The following PCAT7 variants were observed in gnomAD, a reference collection of about 807,000 sequenced individuals.
PCAT7 encodes prostate cancer associated transcript 7, also known as prostate cancer associated transcript 7 (non-protein coding).
intron 2 of PCAT7, chr9:94,571,559 C>G: frequency 6.2e-7 from 1 of 1,613,946 alleles, no homozygotes; most frequent in Admixed American, 1.7e-5. Flanking sequence ...AATATTGCGG[C>G]CACACTGCAG....
At chr9:94,563,309 C>A in intron 2 of PCAT7, 2 of 1,609,252 alleles carry the variant, frequency 1.2e-6, no homozygotes, top group South Asian at 2.2e-5. Flanking sequence ...CCTCCCTGAC[C>A]GGATGCACAG....
intron 2 of PCAT7, among the ~76,000 whole-genome samples, chr9:94,572,745 T>C (rs539989109): frequency 3.3e-5 from 5 of 152,318 alleles, no homozygotes; most frequent in Middle Eastern, 3.4e-3. Flanking sequence ...CACACATATA[T>C]ACATGCATAC....
chr9:94,556,198 A>G (rs1388886877), intron 1 of PCAT7, among the ~76,000 whole-genome samples: 1 of 151,218 alleles, frequency 6.6e-6, no homozygotes, highest in African/African-American at 2.4e-5. Context: ...AGGCTTTGGG[A>G]AAAGACGGGG....
At chr9:94,567,493 G>T (rs1270801003) in intron 2 of PCAT7, 3 of 1,508,778 alleles carry the variant, frequency 2.0e-6, no homozygotes, top group Non-Finnish European at 2.7e-6. Flanking sequence ...AGCAGGAGAA[G>T]ATGGGGGCCT....
intron 2 of PCAT7, among the ~76,000 whole-genome samples, chr9:94,565,131 T>G (rs1453238634): frequency 1.3e-5 from 2 of 152,152 alleles, no homozygotes; most frequent in Non-Finnish European, 2.9e-5. Context: ...CCCAGCATTT[T>G]GGGAGGCCAA....
At chr9:94,555,845 G>C (rs570807373) in intron 1 of PCAT7, among the ~76,000 whole-genome samples, 1 of 151,830 alleles carries the variant, frequency 6.6e-6, no homozygotes, top group South Asian at 2.1e-4. Flanking sequence ...AGGGTGGCGA[G>C]AGGGAGCAGG....
intron 2 of PCAT7, chr9:94,569,440 A>G (rs747358735): frequency 1.3e-5 from 2 of 152,198 alleles, no homozygotes; most frequent in Admixed American, 1.3e-4. Flanking sequence ...GAGATGCACA[A>G]CTGTCATCTG....
In PCAT7 at chr9:94,566,362, T is replaced by G. The variant is rs1827189929; in HGVS notation, n.442-6617T>G. 2.6e-5 allele frequency among the ~76,000 whole-genome samples: 4 copies of G among 152,258 alleles called. No homozygotes were observed. The South Asian group carries it at 8.3e-4, about 31-fold the overall frequency. On this transcript the variant is annotated intron_variant and non_coding_transcript_variant, in intron 2 of 8. Transcript: ENST00000647389. ...TGGCCCGCCCAGGGTGGAAAACCGC[T>G]TAAAGGCATTCTTAAGCCACAAACA...
At chr9:94,559,046 C>T (rs778492263) in exon 2 of PCAT7, 6 of 1,614,128 alleles carry the variant, frequency 3.7e-6, no homozygotes, top group Non-Finnish European at 5.1e-6. Flanking sequence ...GCTTCACGTC[C>T]AGTACAGGCT....
chr9:94,569,196 G>A (rs1223351251), intron 2 of PCAT7: 1 of 152,246 alleles, frequency 6.6e-6, no homozygotes, highest in Non-Finnish European at 1.5e-5. Flanking sequence ...ACCTTAGCTT[G>A]AAAATGAGAT....
At position 94,563,575 on chromosome 9, in the gene PCAT7, C is replaced by G. The variant is rs190147315; in HGVS notation, n.441+4423C>G. On this transcript the variant is annotated intron_variant and non_coding_transcript_variant, in intron 2 of 8. Transcript: ENST00000647389. ...CTCTGCCTTCTTGAATCCCTATCCT[C>G]CACCCACTAGTGTAGGAATTGAAAA... The G allele has an allele frequency of 1.3e-5, 14 of 1,117,266 alleles. No homozygotes were observed. In the South Asian group the frequency reaches 1.8e-4, roughly 14 times the overall value. 69.2% of individuals were successfully genotyped at this position (1,117,266 alleles called of 1,614,324 possible). A position where few individuals can be genotyped will look rare whatever the true frequency, so the allele number is the denominator to read the frequency against.
chr9:94,572,721 C>CAT (rs983466182), intron 2 of PCAT7, among the ~76,000 whole-genome samples: 19 of 152,276 alleles, frequency 1.2e-4, no homozygotes, highest in African/African-American at 4.6e-4. Flanking sequence ...ACAACACACA[C>CAT]ATGAGTTTAC....
At chr9:94,560,222 G>T (rs1460394092) in intron 2 of PCAT7, among the ~76,000 whole-genome samples, 1 of 152,196 alleles carries the variant, frequency 6.6e-6, no homozygotes, top group African/African-American at 2.4e-5. Flanking sequence ...TGCCCTGCTT[G>T]CCAGTCTCTG....
chr9:94,563,505 G>T (rs1369426705), intron 2 of PCAT7: 1 of 1,595,054 alleles, frequency 6.3e-7, no homozygotes, highest in Non-Finnish European at 8.6e-7. Flanking sequence ...TGGCTTTCAG[G>T]ATTAGCCAGC....
At chr9:94,562,453 G>C (rs2131441538) in intron 2 of PCAT7, among the ~76,000 whole-genome samples, 1 of 152,148 alleles carries the variant, frequency 6.6e-6, no homozygotes, top group South Asian at 2.1e-4. Context: ...AATACACCTG[G>C]GCTAAGCACT....
chr9:94,560,182 G>A (rs73653484), intron 2 of PCAT7, among the ~76,000 whole-genome samples: 14,000 of 152,162 alleles, frequency 0.092, 1,274 homozygotes, highest in African/African-American at 0.23. Context: ...GGTCCCAGCC[G>A]AGGGCAGAAA....
chr9:94,572,692 A>G (rs1827281889), intron 2 of PCAT7, among the ~76,000 whole-genome samples: 1 of 152,060 alleles, frequency 6.6e-6, no homozygotes, highest in Admixed American at 6.6e-5. Context: ...CAGATATTGC[A>G]TTTAATTCAC....
intron 2 of PCAT7, among the ~76,000 whole-genome samples, chr9:94,572,610 G>A (rs1827281336): frequency 6.6e-6 from 1 of 152,104 alleles, no homozygotes; most frequent in Non-Finnish European, 1.5e-5. Flanking sequence ...TAGACTGTGA[G>A]CAACTTGGTG....
intron 2 of PCAT7, chr9:94,567,199 A>G: frequency 6.5e-7 from 1 of 1,544,594 alleles, no homozygotes; most frequent in Non-Finnish European, 8.9e-7. Context: ...AAAGCCCCTG[A>G]AGCCACCACC....
Sources: allele counts gnomAD v4.1 joint callset (sites outside exome capture counted in the v4.1 genomes callset), GRCh38; gene constraint gnomAD v4.1.1; transcripts MANE v1.5; gene names NCBI Gene and HGNC (gene_info 2026-07-23, HGNC 2026-07-21).